The following CRISP2 variants were observed in gnomAD, a reference collection of about 807,000 sequenced individuals.
CRISP2 encodes the protein cysteine-rich secretory protein 2.
In CRISP2, 29 loss-of-function variants were observed where a neutral mutation model predicts 31.7. That is an observed-to-expected ratio of 0.92 (90% CI 0.68 to 1.25). CRISP2 has a LOEUF of 1.25. Among genes scored for constraint, CRISP2 ranks in the 50% most tolerant of loss-of-function variants. The pLI is 0.00. For missense variants in CRISP2, 318 were observed against 286.5 expected (o/e 1.11, Z -0.79); for synonymous variants, 111 against 101.4 (o/e 1.09, Z -0.57).
the CRISP2 span, among the ~76,000 whole-genome samples, chr6:49,685,321 G>T: frequency 6.7e-6 from 1 of 150,010 alleles, no homozygotes; most frequent in South Asian, 2.1e-4. Context: ...CTAAGGAAAG[G>T]TTGTCTCTGC....
At chr6:49,697,431 A>C (rs1019901733) in intron 8 of CRISP2, among the ~76,000 whole-genome samples, 1 of 145,406 alleles carries the variant, frequency 6.9e-6, no homozygotes, top group African/African-American at 2.8e-5. Flanking sequence ...TGTGTTTTAC[A>C]TAAGCAGAAG....
chr6:49,696,702 G>A (rs1297642043), intron 8 of CRISP2, among the ~76,000 whole-genome samples: 1 of 151,900 alleles, frequency 6.6e-6, no homozygotes, highest in African/African-American at 2.4e-5. Context: ...TATTCTATTG[G>A]CCATTAAATT....
intron 3 of CRISP2, among the ~76,000 whole-genome samples, chr6:49,710,131 A>G (rs1384402846): frequency 6.6e-6 from 1 of 152,176 alleles, no homozygotes; most frequent in Admixed American, 6.6e-5. Flanking sequence ...ATTCCGAACA[A>G]TTTATCTGTG....
the CRISP2 span, among the ~76,000 whole-genome samples, chr6:49,682,563 CTTTCTTTCTTTTTCTT>C: frequency 9.9e-6 from 1 of 100,510 alleles, no homozygotes; most frequent in Non-Finnish European, 2.0e-5. Context: ...CCATCTTTCT[CTTTCTTTCTTTTTCTT>C]TCTTTCTTTT....
chr6:49,680,620 C>T, the CRISP2 span, among the ~76,000 whole-genome samples: 1 of 152,238 alleles, frequency 6.6e-6, no homozygotes, highest in African/African-American at 2.4e-5. Flanking sequence ...CTCTCACCAA[C>T]AGTGTATAAG....
chr6:49,712,730 T>G (rs1285976881), intron 1 of CRISP2, 126 bp from the exon 2 acceptor site: 1 of 152,226 alleles, frequency 6.6e-6, no homozygotes, highest in African/African-American at 2.4e-5. Context: ...AATAATTTAC[T>G]GTATTTATTT....
chr6:49,695,450 G>C (rs1764577569), intron 9 of CRISP2, among the ~76,000 whole-genome samples: 1 of 152,140 alleles, frequency 6.6e-6, no homozygotes, highest in Non-Finnish European at 1.5e-5. Flanking sequence ...TCTAGACTGA[G>C]CCATAATGTG....
chr6:49,706,649 T>G (rs1188484205), intron 4 of CRISP2, among the ~76,000 whole-genome samples: 1 of 152,158 alleles, frequency 6.6e-6, no homozygotes, highest in Non-Finnish European at 1.5e-5. Context: ...TATATAGGAA[T>G]GGGCAAGATT....
intron 3 of CRISP2, among the ~76,000 whole-genome samples, chr6:49,709,889 T>G (rs989769243): frequency 6.6e-6 from 1 of 152,256 alleles, no homozygotes; most frequent in Non-Finnish European, 1.5e-5. Context: ...TTTCGTATTT[T>G]CATTATCTCC....
At chr6:49,690,839 TTA>T (rs1466592169), downstream of CRISP2, among the ~76,000 whole-genome samples, 6 of 152,066 alleles carry the variant, frequency 3.9e-5, no homozygotes, top group Non-Finnish European at 5.9e-5. Context: ...ACAAATTCAA[TTA>T]TATAAGACAA....
chr6:49,696,105 C>T (rs1764692834), intron 8 of CRISP2, among the ~76,000 whole-genome samples, 181 bp from the exon 9 acceptor site: 1 of 152,194 alleles, frequency 6.6e-6, no homozygotes, highest in South Asian at 2.1e-4. Flanking sequence ...ATGCTTCACA[C>T]ATGGACATAT....
intron 1 of CRISP2, among the ~76,000 whole-genome samples, chr6:49,713,121 C>T (rs564355813): frequency 9.2e-5 from 14 of 152,178 alleles, no homozygotes; most frequent in African/African-American, 3.4e-4. Flanking sequence ...TTCAAAACAT[C>T]AATTAGAAAC....
the CRISP2 span, among the ~76,000 whole-genome samples, chr6:49,678,860 C>T: frequency 4.6e-5 from 7 of 152,086 alleles, no homozygotes; most frequent in South Asian, 1.4e-3. Flanking sequence ...ATAAGAATGT[C>T]CCTGACTCCT....
intron 9 of CRISP2, among the ~76,000 whole-genome samples, chr6:49,695,438 T>C (rs185811315): frequency 2.0e-5 from 3 of 152,316 alleles, no homozygotes; most frequent in Admixed American, 1.3e-4. Flanking sequence ...TTGGCGTGCC[T>C]GTCTAGACTG....
intron 7 of CRISP2, 120 bp from the exon 8 acceptor site, chr6:49,698,077 AT>A: frequency 1.3e-6 from 1 of 787,860 alleles, no homozygotes. Context: ...CCATAAAAAT[AT>A]TTAAATTATT....
At chr6:49,682,365 T>A in the CRISP2 span, among the ~76,000 whole-genome samples, 3 of 152,168 alleles carry the variant, frequency 2.0e-5, no homozygotes, top group African/African-American at 7.2e-5. Flanking sequence ...TTTCAACATG[T>A]CCAAACTGAA....
the CRISP2 span, among the ~76,000 whole-genome samples, chr6:49,685,306 T>C: frequency 6.6e-6 from 1 of 152,082 alleles, no homozygotes; most frequent in Non-Finnish European, 1.5e-5. Context: ...ATCATTTTTA[T>C]GATCCTAAGG....
downstream of CRISP2, among the ~76,000 whole-genome samples, chr6:49,691,597 A>G (rs952577045): frequency 1.3e-5 from 2 of 151,962 alleles, no homozygotes; most frequent in Non-Finnish European, 2.9e-5. Context: ...CTCTCTCTAT[A>G]TATTTTTTCC....
At chr6:49,708,690 T>G (rs558404899) in intron 4 of CRISP2, among the ~76,000 whole-genome samples, 1 of 152,172 alleles carries the variant, frequency 6.6e-6, no homozygotes, top group Admixed American at 6.5e-5. Flanking sequence ...AGAGAATAAG[T>G]TTTTGTTGTT....
Sources: allele counts gnomAD v4.1 joint callset (sites outside exome capture counted in the v4.1 genomes callset), GRCh38; gene constraint gnomAD v4.1.1; transcripts MANE v1.5; gene names NCBI Gene and HGNC (gene_info 2026-07-23, HGNC 2026-07-21).